TBC1D14: variants seen among roughly 807,000 people sequenced by gnomAD.
The protein encoded by TBC1D14 is TBC1 domain family, member 14.
A neutral mutation model predicts 79.0 loss-of-function variants in TBC1D14; 26 were observed. The ratio of observed to expected loss-of-function variants is 0.33; its 90% CI spans 0.24 to 0.46. TBC1D14 has a LOEUF of 0.46. TBC1D14 is among the 20% of genes least tolerant of loss of function. The pLI, the probability that TBC1D14 is intolerant of heterozygous loss-of-function variation, is 1.00. For synonymous variants in TBC1D14, 394 were observed against 349.9 expected, an observed-to-expected ratio of 1.13 and a Z score of -1.40; for missense variants, 769 against 887.6, an observed-to-expected ratio of 0.87 and a Z score of 1.70.
chr4:6,994,212 G>A lies in TBC1D14; in HGVS notation c.872G>A (p.Ser291Asn), dbSNP rs558794158. The part of the protein sequence containing the change: ...KEYEDKAGRP[S>N]KPPSPKQNVR... Reference sequence around the variant, plus strand: ...TATGAAGACAAGGCTGGAAGACCTAGCAAGCCACCCTCTCCAAAGCAGAAT... The same window carrying A: ...TATGAAGACAAGGCTGGAAGACCTAACAAGCCACCCTCTCCAAAGCAGAAT... Residue 291 changes from serine (S) to asparagine (N), a missense_variant, in exon 4 of 14, where the codon AGC becomes AAC. Transcript: ENST00000409757. 8 of 1,614,166 alleles carry A rather than the reference G, an allele frequency of 5.0e-6. No homozygotes were observed. The South Asian group carries it at 7.7e-5, about 16-fold the overall frequency.
At position 7,014,398 on chromosome 4, in the gene TBC1D14, T is replaced by G. The variant is rs761934083; in HGVS notation, c.1648-50T>G. 4.9e-5 allele frequency: 63 copies of G among 1,295,284 alleles called. No individual in the cohort carries two copies. The East Asian group carries it at 1.3e-3, about 27-fold the overall frequency. 80.2% of individuals were successfully genotyped at this position (1,295,284 alleles called of 1,614,324 possible). A position where few individuals can be genotyped will look rare whatever the true frequency, so the allele number is the denominator to read the frequency against. ...TACATATATTGACTTTTTTGTAAAT[T>G]GAAAACTTGTGCAGATAGTTTCTGA... On this transcript the variant is annotated intron_variant, in intron 11 of 13. Transcript: ENST00000409757.
intron 12 of TBC1D14, among the ~76,000 whole-genome samples, chr4:7,019,277 C>T (rs962826215): frequency 4.6e-5 from 7 of 152,148 alleles, no homozygotes; most frequent in African/African-American, 1.7e-4. Flanking sequence ...AACTAGGCCA[C>T]CCAAAGTGCT....
chr4:6,987,140 C>G, intron 3 of TBC1D14: 2 of 1,195,314 alleles, frequency 1.7e-6, no homozygotes, highest in Non-Finnish European at 2.1e-6. Flanking sequence ...AGTCTCCAGC[C>G]AGGCCTGACG....
At chr4:6,947,559 G>T (rs1463606736) in intron 2 of TBC1D14, among the ~76,000 whole-genome samples, 1 of 151,896 alleles carries the variant, frequency 6.6e-6, no homozygotes, top group African/African-American at 2.4e-5. Context: ...CTACTCAGGA[G>T]GCTGAGGCAG....
Position 7,025,226 on chromosome 4 carries a change from G to A in TBC1D14, c.1980G>A (p.Thr660=), listed in dbSNP as rs772737803. The change falls in exon 13 of 14, where the codon ACG becomes ACA. Residue 660 remains threonine (T), a synonymous_variant. Coordinates refer to ENST00000409757, the MANE Select transcript of TBC1D14 (RefSeq NM_020773.3). ...PAEELFASIA[T]IQMQSRNKKW... is the part of the protein sequence containing the mutation. The stretch of plus-strand genomic sequence containing the variant: ...AGGAGCTGTTTGCCTCCATCGCCAC[G>A]ATCCAGATGCAGAGCCGAAACAAGA... 8 of 1,614,220 alleles carry A rather than the reference G, an allele frequency of 5.0e-6. No individual in the cohort carries two copies. In the Admixed American group the frequency reaches 5.0e-5, roughly 10 times the overall value.
intron 13 of TBC1D14, among the ~76,000 whole-genome samples, chr4:7,025,495 ACCT>A (rs1722271909): frequency 6.6e-6 from 1 of 150,726 alleles, no homozygotes. Context: ...AAGCCTTCCC[ACCT>A]CCTCTGCAGT....
intron 2 of TBC1D14, among the ~76,000 whole-genome samples, chr4:6,955,270 G>A (rs1714518430): frequency 6.6e-6 from 1 of 152,132 alleles, no homozygotes. Flanking sequence ...TCGGAAGTGG[G>A]ATTTAGAGGA....
At chr4:6,988,176 A>G (rs1260505984) in intron 3 of TBC1D14, among the ~76,000 whole-genome samples, 1 of 152,206 alleles carries the variant, frequency 6.6e-6, no homozygotes, top group Non-Finnish European at 1.5e-5. Context: ...CCCCTCCAAG[A>G]CAATTGCTTT....
Position 7,010,643 on chromosome 4 carries a change from C to T in TBC1D14, c.1519-10C>T. 2 of 1,609,206 alleles carry T rather than the reference C, an allele frequency of 1.2e-6. No homozygotes were observed. The highest frequency in any genetic ancestry group is 1.3e-5 in the African/African-American group (1 of 74,656). On this transcript the variant is annotated splice_polypyrimidine_tract_variant and intron_variant, in intron 10 of 13. Coordinates refer to ENST00000409757, the MANE Select transcript of TBC1D14 (RefSeq NM_020773.3). ...CTGTGATTTTAACGTGCCTTTCTCT[C>T]CTCTCTCAGGTCCAGGGCATGTCCT...
chr4:6,923,561 C>G lies in TBC1D14; in HGVS notation c.172C>G (p.Arg58Gly), dbSNP rs757038790. ...PKLKLRALED[R>G]HSLQSVDSGI... ...GCTGAAACTCAGGGCTTTAGAAGAC[C>G]GGCACAGCCTCCAGTCCGTGGACTC... Residue 58 changes from arginine (R) to glycine (G), a missense_variant, in exon 2 of 14, where the codon CGG becomes GGG. This residue lies in a region of TBC1D14 where 402 missense variants were observed against 393.2 expected (regional missense o/e 1.02). Coordinates refer to ENST00000409757, the MANE Select transcript of TBC1D14 (RefSeq NM_020773.3). 22 of 1,614,008 alleles carry G rather than the reference C, an allele frequency of 1.4e-5. 1 individual carries two copies. The South Asian group carries it at 2.4e-4, about 18-fold the overall frequency.
intron 3 of TBC1D14, among the ~76,000 whole-genome samples, chr4:6,975,061 G>A (rs1047911806): frequency 2.8e-4 from 42 of 151,962 alleles, no homozygotes; most frequent in African/African-American, 7.5e-4. Flanking sequence ...ACAGGCGCCC[G>A]TCACCATGCC....
chr4:6,917,962 C>G (rs894056430), intron 1 of TBC1D14, among the ~76,000 whole-genome samples: 1 of 152,094 alleles, frequency 6.6e-6, no homozygotes, highest in Non-Finnish European at 1.5e-5. Flanking sequence ...GTACTTTTTC[C>G]TTTTTAGGTT....
chr4:6,948,624 C>T (rs1314149370), intron 2 of TBC1D14, among the ~76,000 whole-genome samples: 2 of 151,890 alleles, frequency 1.3e-5, no homozygotes, highest in East Asian at 3.9e-4. Flanking sequence ...GTGGTGATGC[C>T]GGCTGCTCTT....
intron 3 of TBC1D14, among the ~76,000 whole-genome samples, chr4:6,977,675 G>A (rs1033439178): frequency 7.1e-6 from 1 of 140,804 alleles, no homozygotes; most frequent in Non-Finnish European, 1.6e-5. Context: ...TAGGAAGTGA[G>A]GAGCGTCTCT....
intron 10 of TBC1D14, 72 bp downstream of exon 10, chr4:7,010,020 T>C (rs1299327202): frequency 1.9e-6 from 3 of 1,541,124 alleles, no homozygotes; most frequent in South Asian, 1.1e-5. Context: ...CAGCACGTGT[T>C]AGCTGCAAAT....
intron 2 of TBC1D14, among the ~76,000 whole-genome samples, chr4:6,926,090 G>C (rs577953852): frequency 6.6e-6 from 1 of 152,208 alleles, no homozygotes; most frequent in Non-Finnish European, 1.5e-5. Flanking sequence ...CCCTAGAACC[G>C]TGCGCGGAGG....
At chr4:6,920,711 G>C (rs1723781799) in intron 1 of TBC1D14, among the ~76,000 whole-genome samples, 1 of 152,198 alleles carries the variant, frequency 6.6e-6, no homozygotes, top group African/African-American at 2.4e-5. Context: ...GAGCCCAGGA[G>C]CGTGTGAGTC....
At chr4:6,955,061 C>T (rs904722552) in intron 2 of TBC1D14, among the ~76,000 whole-genome samples, 4 of 152,214 alleles carry the variant, frequency 2.6e-5, no homozygotes, top group Non-Finnish European at 4.4e-5. Flanking sequence ...CACTTTCTTT[C>T]TTCGTGTTTC....
chr4:6,953,209 G>C (rs1714226657), intron 2 of TBC1D14, among the ~76,000 whole-genome samples: 1 of 148,908 alleles, frequency 6.7e-6, no homozygotes. Context: ...ATTTTTAGTA[G>C]AGACGGGGTT....
Sources: allele counts gnomAD v4.1 joint callset (sites outside exome capture counted in the v4.1 genomes callset), GRCh38; gene constraint gnomAD v4.1.1; regional missense constraint gnomAD v4.1.1; transcripts MANE v1.5; gene names NCBI Gene and HGNC (gene_info 2026-07-23, HGNC 2026-07-21).